Variants in MSRA observed in about 807,000 individuals in gnomAD.
The protein encoded by MSRA is mitochondrial peptide methionine sulfoxide reductase.
Under a neutral mutation model 31.3 loss-of-function variants are expected in MSRA, and 54 were observed. The observed-to-expected ratio is 1.73, with a 90% CI of 1.39 to 2.17. The LOEUF (loss-of-function observed/expected upper bound fraction) is 2.17. MSRA is among the 30% of genes most tolerant of loss of function. The pLI is 0.00. For missense variants in MSRA, 507 were observed against 300.9 expected, an observed-to-expected ratio of 1.69 and a Z score of -5.07; for synonymous variants, 169 against 116.5, an observed-to-expected ratio of 1.45 and a Z score of -2.90.
In MSRA at chr8:10,133,420, G is replaced by C. The variant is rs575635433; in HGVS notation, c.143-74413G>C. ...CAGCCACTGCTTGGCTAACGCCTCAGTGCTTCAGCGACAAGGACCAGGCCG... is the reference window on the plus strand; with the variant it reads ...CAGCCACTGCTTGGCTAACGCCTCACTGCTTCAGCGACAAGGACCAGGCCG... On this transcript the variant is annotated intron_variant, in intron 1 of 5. Coordinates refer to ENST00000317173, the MANE Select transcript of MSRA (RefSeq NM_012331.5). Among the ~76,000 whole-genome samples, 107 of 152,196 alleles carry C rather than the reference G, an allele frequency of 7.0e-4. 1 individual carries two copies. The highest frequency in any genetic ancestry group is 1.0e-3 in the Non-Finnish European group (68 of 68,040).
chr8:10,062,463 G>C (rs1353726937), intron 1 of MSRA, among the ~76,000 whole-genome samples: 1 of 152,170 alleles, frequency 6.6e-6, no homozygotes, highest in Non-Finnish European at 1.5e-5. Flanking sequence ...TGAACTGAGG[G>C]CAGGAATTGA....
chr8:10,166,136 G>A (rs141495907), intron 1 of MSRA, among the ~76,000 whole-genome samples: 104 of 152,322 alleles, frequency 6.8e-4, no homozygotes, highest in Non-Finnish European at 1.3e-3. Context: ...ACTCTGGAGA[G>A]CCAGGGCAGT....
intron 1 of MSRA, among the ~76,000 whole-genome samples, chr8:10,200,438 C>G (rs916625590): frequency 6.6e-6 from 1 of 152,208 alleles, no homozygotes; most frequent in Admixed American, 6.5e-5. Context: ...ATCTCACCTT[C>G]TGGGTACCCA....
chr8:10,178,547 T>G (rs1282101603), intron 1 of MSRA, among the ~76,000 whole-genome samples: 1 of 152,226 alleles, frequency 6.6e-6, no homozygotes, highest in South Asian at 2.1e-4. Context: ...CACAGAGTTA[T>G]AAGTGCAGCG....
intron 4 of MSRA, among the ~76,000 whole-genome samples, chr8:10,314,891 G>C (rs1801626905): frequency 6.6e-6 from 1 of 152,146 alleles, no homozygotes; most frequent in African/African-American, 2.4e-5. Context: ...TTTAAAAATA[G>C]GCTGTATTAG....
chr8:10,129,982 G>A (rs1363111782), intron 1 of MSRA, among the ~76,000 whole-genome samples: 11 of 152,158 alleles, frequency 7.2e-5, no homozygotes, highest in Admixed American at 3.9e-4. Flanking sequence ...GAGTTTGTAT[G>A]TGCACCTATC....
intron 3 of MSRA, among the ~76,000 whole-genome samples, chr8:10,285,032 A>G (rs1360008029): frequency 1.3e-5 from 2 of 151,498 alleles, no homozygotes; most frequent in Non-Finnish European, 2.9e-5. Flanking sequence ...TCTTTAAAAA[A>G]AAAAAAAGCT....
chr8:10,178,024 C>T (rs1806207332), intron 1 of MSRA, among the ~76,000 whole-genome samples: 1 of 152,184 alleles, frequency 6.6e-6, no homozygotes, highest in South Asian at 2.1e-4. Context: ...GCTTCACCTG[C>T]CTCTTTTTTC....
intron 3 of MSRA, among the ~76,000 whole-genome samples, chr8:10,290,890 A>T (rs984609520): frequency 3.3e-5 from 5 of 152,186 alleles, no homozygotes; most frequent in Non-Finnish European, 7.4e-5. Flanking sequence ...CCCATATCTT[A>T]TCATCCCTGC....
chr8:10,421,335 C>G (rs576742126), intron 5 of MSRA, among the ~76,000 whole-genome samples: 1 of 152,144 alleles, frequency 6.6e-6, no homozygotes, highest in Non-Finnish European at 1.5e-5. Flanking sequence ...GGAAGGTTCA[C>G]GTGAATAGAG....
At chr8:10,348,098 G>C (rs894076101) in intron 5 of MSRA, among the ~76,000 whole-genome samples, 2 of 152,200 alleles carry the variant, frequency 1.3e-5, no homozygotes, top group African/African-American at 4.8e-5. Context: ...TTCATCCTTA[G>C]ATGGATTTGG....
chr8:10,103,836 T>A (rs1013248365), intron 1 of MSRA, among the ~76,000 whole-genome samples: 1 of 145,076 alleles, frequency 6.9e-6, no homozygotes, highest in Non-Finnish European at 1.5e-5. Context: ...ATATTTATTT[T>A]CCTCAGATGT....
intron 1 of MSRA, among the ~76,000 whole-genome samples, chr8:10,130,580 A>AT (rs1443269130): frequency 6.6e-6 from 1 of 152,168 alleles, no homozygotes; most frequent in African/African-American, 2.4e-5. Context: ...TGGACAAGAC[A>AT]TTTCGACGGA....
At chr8:10,385,937 A>G (rs902990033) in intron 5 of MSRA, among the ~76,000 whole-genome samples, 15 of 152,156 alleles carry the variant, frequency 9.9e-5, no homozygotes, top group Non-Finnish European at 1.9e-4. Flanking sequence ...ACGCGATCAC[A>G]GACACCAGGA....
intron 1 of MSRA, among the ~76,000 whole-genome samples, chr8:10,103,069 G>T (rs1799642777): frequency 6.6e-6 from 1 of 152,106 alleles, no homozygotes; most frequent in African/African-American, 2.4e-5. Context: ...TTGAATAAAA[G>T]AATATAAGAG....
intron 1 of MSRA, among the ~76,000 whole-genome samples, chr8:10,173,814 A>G (rs1805805829): frequency 6.6e-6 from 1 of 152,176 alleles, no homozygotes; most frequent in Non-Finnish European, 1.5e-5. Context: ...GGCATTTGCA[A>G]TTGCAAATGA....
chr8:10,353,155 G>C (rs1419411712), intron 5 of MSRA, among the ~76,000 whole-genome samples: 1 of 152,202 alleles, frequency 6.6e-6, no homozygotes, highest in Non-Finnish European at 1.5e-5. Flanking sequence ...CTCACTGTGA[G>C]ACAAAGAATT....
At chr8:10,299,690 C>A (rs918565830) in intron 3 of MSRA, among the ~76,000 whole-genome samples, 8 of 152,068 alleles carry the variant, frequency 5.3e-5, no homozygotes, top group African/African-American at 1.4e-4. Flanking sequence ...CTAAATAAAA[C>A]AATAGAATCC....
intron 1 of MSRA, among the ~76,000 whole-genome samples, chr8:10,155,765 A>G (rs961132597): frequency 3.3e-5 from 5 of 152,178 alleles, no homozygotes; most frequent in East Asian, 1.9e-4. Context: ...AAAAAAACCC[A>G]TATGAGTCCA....
Sources: allele counts gnomAD v4.1 joint callset (sites outside exome capture counted in the v4.1 genomes callset), GRCh38; gene constraint gnomAD v4.1.1; transcripts MANE v1.5; gene names NCBI Gene and HGNC (gene_info 2026-07-23, HGNC 2026-07-21).